NBEAL1: variants seen among roughly 807,000 people sequenced by gnomAD.
NBEAL1 encodes neurobeachin like 1, also known as neurobeachin-like protein 1.
Under a neutral mutation model 351.3 loss-of-function variants are expected in NBEAL1, and 273 were observed. The ratio of observed to expected loss-of-function variants is 0.78; its 90% CI spans 0.70 to 0.86. The LOEUF (loss-of-function observed/expected upper bound fraction) is 0.86, where lower values mean the gene tolerates loss of function less well. Ranked by LOEUF, NBEAL1 falls within the 40% of genes least tolerant of loss-of-function variation. The pLI is 0.00. For missense variants in NBEAL1, 2,961 were observed against 3,201.3 expected (o/e 0.92, Z 1.81); for synonymous variants, 1,050 against 1,086.4 (o/e 0.97, Z 0.66).
intron 14 of NBEAL1, among the ~76,000 whole-genome samples, chr2:203,108,397 T>G (rs1574979468): frequency 4.0e-4 from 1 of 2,480 alleles, no homozygotes; most frequent in Non-Finnish European, 0.011. Context: ...GCTGGTTAAG[T>G]TTTTTTTTTT....
At chr2:203,056,163 TATTTTCCA>T (rs2061398596) in intron 4 of NBEAL1, among the ~76,000 whole-genome samples, 1 of 152,254 alleles carries the variant, frequency 6.6e-6, no homozygotes, top group Admixed American at 6.5e-5. Context: ...TACTTTGTGA[TATTTTCCA>T]ATTTTCAATA....
Position 203,016,230 on chromosome 2 carries a change from C to A in NBEAL1, c.-155C>A. The A allele has an allele frequency of 2.3e-6, 1 of 432,450 alleles. No individual in the cohort carries two copies. Among genetic ancestry groups the A allele is most frequent in the Non-Finnish European group, 4.1e-6 (1 of 246,512 alleles). 26.8% of individuals were successfully genotyped at this position (432,450 alleles called of 1,614,324 possible). A position where few individuals can be genotyped will look rare whatever the true frequency, so the allele number is the denominator to read the frequency against. On this transcript the variant is annotated 5_prime_UTR_variant, in exon 2 of 56. Coordinates refer to ENST00000683969, the MANE Select transcript of NBEAL1 (RefSeq NM_001378026.1). ...GCTGAAATTGCCTTTTTGTTTTTAA[C>A]CAGAGGACAGTCCATTTGTTTCACT...
rs1025524769 is a variant in NBEAL1, at chr2:203,136,146, C to T, written c.4283C>T (p.Ser1428Phe). The stretch of plus-strand genomic sequence containing the variant: ...CCAGACAGTCTGCCTAGCACACCAT[C>T]CCCAGTAGAGTCTACTAAATCGTTT... ...QVPDSLPSTPSPVESTKSFSV... is the reference protein window; with the variant it reads ...QVPDSLPSTPFPVESTKSFSV... The change falls in exon 28 of 56, where the codon TCC becomes TTC. Residue 1428 changes from serine to phenylalanine, a missense_variant. By Grantham distance (155) the Ser-to-Phe change is radical. Transcript: ENST00000683969. 6.2e-7 allele frequency: 1 copy of T among 1,614,088 alleles called. No homozygotes were observed. Among genetic ancestry groups the T allele is most frequent in the Non-Finnish European group, 8.5e-7 (1 of 1,179,950 alleles).
intron 50 of NBEAL1, among the ~76,000 whole-genome samples, 181 bp downstream of exon 50, chr2:203,201,896 A>G (rs1160827005): frequency 6.6e-6 from 1 of 152,146 alleles, no homozygotes. Context: ...TTTTGGGTAT[A>G]ATAAAGCACC....
At position 203,190,224 on chromosome 2, in the gene NBEAL1, C is replaced by T. The variant is rs141724784; in HGVS notation, c.6824-68C>T. ...CACACACACACCAATGAGCCTGATACATTAATCAGTGATGTGGCTTGCTGA... is the reference window on the plus strand; with the variant it reads ...CACACACACACCAATGAGCCTGATATATTAATCAGTGATGTGGCTTGCTGA... On this transcript the variant is annotated intron_variant, in intron 45 of 55. Transcript: ENST00000683969. The T allele has an allele frequency of 1.4e-3, 1,237 of 889,390 alleles. 13 individuals carry two copies. The African/African-American group carries it at 0.019, about 14-fold the overall frequency. The allele number at this position is 889,390 out of a possible 1,614,324, so 55.1% of individuals were successfully genotyped here.
At chr2:203,056,552 T>A in intron 5 of NBEAL1, 44 bp downstream of exon 5, 2 of 1,059,214 alleles carry the variant, frequency 1.9e-6, no homozygotes, top group South Asian at 1.4e-5. Flanking sequence ...TGAGAACAAC[T>A]AGGTTTTACT....
Position 203,041,811 on chromosome 2 carries a change from G to A in NBEAL1, c.98G>A (p.Ser33Asn), listed in dbSNP as rs1244430669. The A allele has an allele frequency of 1.1e-5, 17 of 1,554,038 alleles. No individual in the cohort carries two copies. Among genetic ancestry groups the A allele is most frequent in the Non-Finnish European group, 1.5e-5 (17 of 1,147,616 alleles). Residue 33 changes from serine to asparagine, a missense_variant, in exon 3 of 56, where the codon AGC becomes AAC. Physicochemically the swap from Ser to Asn is conservative, Grantham distance 46 (BLOSUM62 1). Coordinates refer to ENST00000683969, the MANE Select transcript of NBEAL1 (RefSeq NM_001378026.1). ...LKLWLDTFVS[S>N]YEQFLDVDFE... Reference sequence around the variant, plus strand: ...CTGTGGTTGGACACTTTTGTTTCTAGCTATGAACAATTTTTAGACGTTGAC... The same window carrying A: ...CTGTGGTTGGACACTTTTGTTTCTAACTATGAACAATTTTTAGACGTTGAC...
chr2:203,217,858 G>A lies in NBEAL1; in HGVS notation c.*504G>A. On this transcript the variant is annotated 3_prime_UTR_variant, in exon 56 of 56. Coordinates refer to ENST00000683969, the MANE Select transcript of NBEAL1 (RefSeq NM_001378026.1). ...AAAACTCGGTGAAAGTTACAAGTTT[G>A]CATGGTAAGAATAAAATAAGAATAT... is the stretch of plus-strand genomic sequence containing the variant. 1.0e-6 allele frequency: 1 copy of A among 985,202 alleles called. No homozygotes were observed. The highest frequency in any genetic ancestry group is 1.2e-6 in the Non-Finnish European group (1 of 829,778). 61.0% of individuals were successfully genotyped at this position (985,202 alleles called of 1,614,324 possible). A position where few individuals can be genotyped will look rare whatever the true frequency, so the allele number is the denominator to read the frequency against.
intron 10 of NBEAL1, among the ~76,000 whole-genome samples, chr2:203,094,620 G>A (rs376239825): frequency 1.3e-5 from 2 of 152,072 alleles, no homozygotes; most frequent in African/African-American, 2.4e-5. Context: ...GTTGATTTCC[G>A]TAAGTATTTG....
intron 3 of NBEAL1, among the ~76,000 whole-genome samples, chr2:203,046,941 G>A (rs553595222): frequency 3.3e-5 from 5 of 152,256 alleles, no homozygotes; most frequent in South Asian, 4.2e-4. Context: ...TTGGGAGGCC[G>A]AGGCGGGCAG....
At chr2:203,082,561 C>G (rs1376640919) in intron 8 of NBEAL1, among the ~76,000 whole-genome samples, 1 of 152,140 alleles carries the variant, frequency 6.6e-6, no homozygotes, top group Non-Finnish European at 1.5e-5. Context: ...CTACCAATTA[C>G]TTAGTATATG....
intron 52 of NBEAL1, among the ~76,000 whole-genome samples, 178 bp from the exon 53 acceptor site, chr2:203,208,983 T>C (rs1040887738): frequency 6.6e-6 from 1 of 152,184 alleles, no homozygotes; most frequent in Non-Finnish European, 1.5e-5. Flanking sequence ...TTCTAGGAAA[T>C]AAAATACTAT....
intron 7 of NBEAL1, among the ~76,000 whole-genome samples, chr2:203,069,879 C>G (rs1323407086): frequency 6.6e-6 from 1 of 152,138 alleles, no homozygotes; most frequent in Non-Finnish European, 1.5e-5. Context: ...AGGCTGGTCT[C>G]AGACTCCTGG....
chr2:203,183,025 G>A (rs552887515), intron 43 of NBEAL1: 3 of 242,150 alleles, frequency 1.2e-5, no homozygotes, highest in African/African-American at 6.8e-5. Flanking sequence ...TGGTCTGATT[G>A]AAATAAGGGT....
intron 1 of NBEAL1, chr2:203,015,939 A>G (rs1229587589): frequency 1.3e-5 from 2 of 153,254 alleles, no homozygotes; most frequent in African/African-American, 2.4e-5. Flanking sequence ...ACCCATCTCT[A>G]GGAGTCTGTC....
At chr2:203,137,131 G>C (rs891841543) in intron 29 of NBEAL1, among the ~76,000 whole-genome samples, 1 of 152,178 alleles carries the variant, frequency 6.6e-6, no homozygotes, top group Non-Finnish European at 1.5e-5. Context: ...GGGTTTTCAT[G>C]ATAATTATTT....
chr2:203,157,803 G>T lies in NBEAL1; in HGVS notation c.5692G>T (p.Asp1898Tyr). 6.4e-7 allele frequency: 1 copy of T among 1,570,836 alleles called. No individual in the cohort carries two copies. Among genetic ancestry groups the T allele is most frequent in the Non-Finnish European group, 8.6e-7 (1 of 1,161,316 alleles). ...VEDKLDLPEEDITARVNVDEK... is the reference protein window; with the variant it reads ...VEDKLDLPEEYITARVNVDEK... ...GGATAAATTAGACCTTCCTGAAGAG[G>T]ATATAACAGCTAGAGTAAATGTGTA... Residue 1898 changes from aspartate to tyrosine, a missense_variant, in exon 36 of 56, where the codon GAT (aspartate) becomes TAT (tyrosine). Asp to Tyr is a radical substitution (Grantham distance 160, BLOSUM62 -3). Transcript: ENST00000683969.
At chr2:203,092,490 A>C (rs1198916358) in intron 10 of NBEAL1, among the ~76,000 whole-genome samples, 4 of 152,084 alleles carry the variant, frequency 2.6e-5, no homozygotes, top group African/African-American at 9.7e-5. Context: ...GCTTGAACCC[A>C]GGAGATGGAG....
chr2:203,187,963 C>G (rs1369705735), intron 44 of NBEAL1, among the ~76,000 whole-genome samples: 1 of 152,070 alleles, frequency 6.6e-6, no homozygotes, highest in Non-Finnish European at 1.5e-5. Flanking sequence ...TTCAAATTAT[C>G]ACTAGTAATT....
Sources: allele counts gnomAD v4.1 joint callset (sites outside exome capture counted in the v4.1 genomes callset), GRCh38; gene constraint gnomAD v4.1.1; transcripts MANE v1.5; gene names NCBI Gene and HGNC (gene_info 2026-07-23, HGNC 2026-07-21).